The following MARCHF6 variants were observed in gnomAD, a reference collection of about 807,000 sequenced individuals.
MARCHF6 encodes the protein E3 ubiquitin-protein ligase MARCHF6.
Under a neutral mutation model 133.7 loss-of-function variants are expected in MARCHF6, and 31 were observed. The observed-to-expected ratio is 0.23, with a 90% CI of 0.17 to 0.31. The LOEUF (loss-of-function observed/expected upper bound fraction) is 0.31. Among genes scored for constraint, MARCHF6 ranks in the 10% least tolerant of loss-of-function variants. The pLI is 1.00. For missense variants in MARCHF6, 723 were observed against 1,121.6 expected (o/e 0.64, Z 5.08); for synonymous variants, 395 against 402.5 (o/e 0.98, Z 0.22).
intron 1 of MARCHF6, among the ~76,000 whole-genome samples, chr5:10,368,982 A>G (rs1736299557): frequency 6.6e-6 from 1 of 151,996 alleles, no homozygotes; most frequent in South Asian, 2.1e-4. Flanking sequence ...AAAATTTCCA[A>G]TGTGGGTGGA....
At chr5:10,370,701 T>C (rs924061061) in intron 1 of MARCHF6, among the ~76,000 whole-genome samples, 19 of 152,168 alleles carry the variant, frequency 1.2e-4, no homozygotes, top group Non-Finnish European at 2.8e-4. Context: ...TTCTTACTGT[T>C]GAGACCTTGA....
In MARCHF6 at chr5:10,434,665, G is replaced by C. The variant is rs1373049007; in HGVS notation, c.*981G>C. ...CTTGTGAAGTATAGATGTGGTTGTGGTCTTAGATTGACAGCATTAGAGAAG... is the reference window on the plus strand; with the variant it reads ...CTTGTGAAGTATAGATGTGGTTGTGCTCTTAGATTGACAGCATTAGAGAAG... On this transcript the variant is annotated 3_prime_UTR_variant, in exon 26 of 26. Coordinates refer to ENST00000274140, the MANE Select transcript of MARCHF6 (RefSeq NM_005885.4). 1 of 152,464 alleles carries C rather than the reference G, an allele frequency of 6.6e-6. No homozygotes were observed. The highest frequency in any genetic ancestry group is 2.4e-5 in the African/African-American group (1 of 41,378). 9.4% of individuals were successfully genotyped at this position (152,464 alleles called of 1,614,324 possible).
intron 1 of MARCHF6, among the ~76,000 whole-genome samples, chr5:10,376,011 C>A (rs931400613): frequency 6.6e-6 from 1 of 152,156 alleles, no homozygotes; most frequent in African/African-American, 2.4e-5. Flanking sequence ...ATGTACCAAT[C>A]AGCACCCTGT....
chr5:10,414,800 C>G (rs959368754), intron 20 of MARCHF6, among the ~76,000 whole-genome samples: 1 of 152,152 alleles, frequency 6.6e-6, no homozygotes, highest in African/African-American at 2.4e-5. Flanking sequence ...AAGTAAGTTA[C>G]TAAATTATGT....
chr5:10,391,066 A>G (rs1486591137), intron 6 of MARCHF6, among the ~76,000 whole-genome samples: 1 of 152,234 alleles, frequency 6.6e-6, no homozygotes. Context: ...CATTTAAAAA[A>G]GATGTCTTTG....
At chr5:10,386,404 TA>T (rs948537588) in intron 4 of MARCHF6, among the ~76,000 whole-genome samples, 1 of 152,268 alleles carries the variant, frequency 6.6e-6, no homozygotes, top group Non-Finnish European at 1.5e-5. Flanking sequence ...CTTTCCTGAC[TA>T]AAAGACTTTC....
chr5:10,382,398 C>T (rs753750018), intron 4 of MARCHF6, among the ~76,000 whole-genome samples: 57 of 146,452 alleles, frequency 3.9e-4, no homozygotes, highest in African/African-American at 1.3e-3. Flanking sequence ...ACCCAGGAGG[C>T]GGAGGTTGCA....
At chr5:10,359,420 TATAGA>T (rs1735674024) in intron 1 of MARCHF6, among the ~76,000 whole-genome samples, 2 of 152,154 alleles carry the variant, frequency 1.3e-5, no homozygotes, top group South Asian at 4.1e-4. Context: ...AAGTATATAA[TATAGA>T]ATACAGTATA....
intron 10 of MARCHF6, among the ~76,000 whole-genome samples, chr5:10,400,500 G>A (rs1442639225): frequency 1.3e-5 from 2 of 152,066 alleles, no homozygotes; most frequent in African/African-American, 2.4e-5. Flanking sequence ...TATGTTCAGT[G>A]TTTTTCCATC....
At position 10,434,085 on chromosome 5, in the gene MARCHF6, C is replaced by A; in HGVS notation, c.*401C>A. 5.5e-6 allele frequency: 1 copy of A among 181,334 alleles called. No homozygotes were observed. The highest frequency in any genetic ancestry group is 1.2e-5 in the Non-Finnish European group (1 of 85,154). The allele number at this position is 181,334 out of a possible 1,614,324, so 11.2% of individuals were successfully genotyped here. On this transcript the variant is annotated 3_prime_UTR_variant, in exon 26 of 26. Transcript: ENST00000274140. ...GACTTTTCAGTGACGCCTTGTGGAA[C>A]GCAGTTCATGATGTCCTAGCAGCTC... is the stretch of plus-strand genomic sequence containing the variant.
At chr5:10,388,781 G>A (rs72740442) in intron 5 of MARCHF6, among the ~76,000 whole-genome samples, 1,691 of 152,288 alleles carry the variant, frequency 0.011, 11 homozygotes, top group Admixed American at 0.017. Flanking sequence ...TGGAACTTGG[G>A]CAGCATCGCC....
chr5:10,389,047 G>C (rs149945828), intron 5 of MARCHF6, among the ~76,000 whole-genome samples: 2 of 152,276 alleles, frequency 1.3e-5, no homozygotes, highest in African/African-American at 4.8e-5. Flanking sequence ...GGCCATACCA[G>C]TTTAGTTTAA....
In MARCHF6 at chr5:10,391,667, G is replaced by C. The variant is rs760057753; in HGVS notation, c.702G>C (p.Glu234Asp). The C allele has an allele frequency of 1.2e-6, 2 of 1,608,028 alleles. No individual in the cohort carries two copies. Among genetic ancestry groups the C allele is most frequent in the Admixed American group, 1.7e-5 (1 of 58,730 alleles). The change falls in exon 7 of 26, where the codon GAG becomes GAC. Residue 234 changes from glutamate to aspartate, a missense_variant. Around this residue, in one of 4 missense-constraint regions of MARCHF6, gnomAD observed 97 missense variants for 115.4 expected, o/e 0.84. Transcript: ENST00000274140. ...ATGACCAGGCAGAAGAGGAGGAGGA[G>C]GACAATGAGGAGGAAGATGACGCTG... is the stretch of plus-strand genomic sequence containing the variant. ...AQDDQAEEEEEDNEEEDDAGV... is the reference protein window; with the variant it reads ...AQDDQAEEEEDDNEEEDDAGV...
chr5:10,414,392 C>T (rs761163187), intron 19 of MARCHF6, 41 bp from the exon 20 acceptor site: 17 of 1,084,614 alleles, frequency 1.6e-5, no homozygotes, highest in Non-Finnish European at 2.0e-5. Flanking sequence ...ACATTGAGCA[C>T]GTGTTCTCTA....
chr5:10,435,304 G>A lies in MARCHF6; in HGVS notation c.*1620G>A, dbSNP rs1158360304. On this transcript the variant is annotated 3_prime_UTR_variant, in exon 26 of 26. Transcript: ENST00000274140. ...TTTAAAAACATCGGTATCGGGAGCTGCGGTGGCTCCGGCCGGTTGTCCTGG... is the reference window on the plus strand; with the variant it reads ...TTTAAAAACATCGGTATCGGGAGCTACGGTGGCTCCGGCCGGTTGTCCTGG... 1 of 152,088 alleles carries A rather than the reference G, an allele frequency of 6.6e-6. No individual in the cohort carries two copies. The highest frequency in any genetic ancestry group is 1.5e-5 in the Non-Finnish European group (1 of 67,938). The allele number at this position is 152,088 out of a possible 1,614,324, so 9.4% of individuals were successfully genotyped here. A position where few individuals can be genotyped will look rare whatever the true frequency, so the allele number is the denominator to read the frequency against.
rs1241304319 is a variant in MARCHF6 at position 10,401,190 on chromosome 5, T to G, written c.972+348T>G. ...CCTGCTGAATTTAGAAAAGTAACAA[T>G]ATATCAATCAATTTAAAAAGGGTAG... is the stretch of plus-strand genomic sequence containing the variant. On this transcript the variant is annotated intron_variant, in intron 11 of 25. Coordinates refer to ENST00000274140, the MANE Select transcript of MARCHF6 (RefSeq NM_005885.4). The G allele has an allele frequency of 2.5e-5, 5 of 198,110 alleles. 1 individual carries two copies. The Admixed American group carries it at 2.7e-4, about 11-fold the overall frequency. 12.3% of individuals were successfully genotyped at this position (198,110 alleles called of 1,614,324 possible). A position where few individuals can be genotyped will look rare whatever the true frequency, so the allele number is the denominator to read the frequency against.
rs757462388 is a variant in MARCHF6 at position 10,410,263 on chromosome 5, G to A, written c.1678G>A (p.Ala560Thr). The A allele has an allele frequency of 2.0e-5, 33 of 1,612,528 alleles. No individual in the cohort carries two copies. Among genetic ancestry groups the A allele is most frequent in the Middle Eastern group, 3.9e-4 (2 of 5,138 alleles). ...KGLVRAWTVT[A>T]GYLLDLHSYL... Reference sequence around the variant, plus strand: ...GCTGGTGCGAGCGTGGACTGTGACCGCCGGATACTTGCTGTGAGTATGGGC... The same window carrying A: ...GCTGGTGCGAGCGTGGACTGTGACCACCGGATACTTGCTGTGAGTATGGGC... The change falls in exon 18 of 26, where the codon GCC becomes ACC. Residue 560 changes from alanine (A) to threonine (T), a missense_variant. Physicochemically the swap from Ala to Thr is moderately conservative, Grantham distance 58. Around this residue, in one of 4 missense-constraint regions of MARCHF6, gnomAD observed 492 missense variants for 699.5 expected, o/e 0.70. Coordinates refer to ENST00000274140, the MANE Select transcript of MARCHF6 (RefSeq NM_005885.4).
intron 15 of MARCHF6, among the ~76,000 whole-genome samples, chr5:10,404,633 A>G (rs1235368521): frequency 6.6e-6 from 1 of 152,190 alleles, no homozygotes. Context: ...GGAGATGTGC[A>G]GGGTGTGGAG....
chr5:10,400,247 T>G (rs1315428669), intron 10 of MARCHF6, among the ~76,000 whole-genome samples: 3 of 152,212 alleles, frequency 2.0e-5, no homozygotes, highest in Non-Finnish European at 4.4e-5. Flanking sequence ...GAAGAAATTC[T>G]TATCAATTTG....
Sources: gnomAD v4.1 joint callset for allele counts (sites outside exome capture counted in the v4.1 genomes callset) on GRCh38, gnomAD v4.1.1 for gene constraint, gnomAD v4.1.1 regional missense constraint, MANE v1.5 for transcripts, NCBI Gene and HGNC (gene_info 2026-07-23, HGNC 2026-07-21) for gene names.